The following QTMAN variants were observed in gnomAD, a reference collection of about 807,000 sequenced individuals.
QTMAN encodes queuosine-tRNA mannosyltransferase.
chr2:144,239,346 G>T, the QTMAN span, among the ~76,000 whole-genome samples: 3 of 152,026 alleles, frequency 2.0e-5, no homozygotes, highest in African/African-American at 7.3e-5. Context: ...AAAGCTAAAA[G>T]TTCATTATTA....
the QTMAN span, among the ~76,000 whole-genome samples, chr2:144,251,990 G>A: frequency 0.016 from 2,459 of 152,102 alleles, 32 homozygotes; most frequent in Non-Finnish European, 0.021. Context: ...GAGGGCAGGA[G>A]TTGGAGACCA....
At chr2:144,090,315 C>T in the QTMAN span, among the ~76,000 whole-genome samples, 16 of 152,056 alleles carry the variant, frequency 1.1e-4, no homozygotes, top group East Asian at 5.8e-4. Context: ...AAGGCAAAAA[C>T]GTCTGCTCTT....
chr2:144,189,465 T>C, the QTMAN span, among the ~76,000 whole-genome samples: 4 of 152,204 alleles, frequency 2.6e-5, no homozygotes, highest in African/African-American at 7.2e-5. Context: ...ATTAAAGATA[T>C]TGAGCCACTA....
the QTMAN span, among the ~76,000 whole-genome samples, chr2:144,203,900 A>G: frequency 6.6e-6 from 1 of 152,176 alleles, no homozygotes; most frequent in Non-Finnish European, 1.5e-5. Context: ...TGGGGAAAGG[A>G]TTCCCTATTT....
At chr2:144,284,399 G>A in the QTMAN span, among the ~76,000 whole-genome samples, 1 of 151,826 alleles carries the variant, frequency 6.6e-6, no homozygotes, top group African/African-American at 2.4e-5. Context: ...TGACATGTGA[G>A]AAATTATTAT....
chr2:144,118,021 T>C, the QTMAN span, among the ~76,000 whole-genome samples: 3 of 152,228 alleles, frequency 2.0e-5, no homozygotes, highest in African/African-American at 7.2e-5. Context: ...AATTTTTTTG[T>C]ATTTTTAGTA....
chr2:143,959,887 A>G, the QTMAN span, among the ~76,000 whole-genome samples: 11 of 152,232 alleles, frequency 7.2e-5, no homozygotes, highest in South Asian at 1.9e-3. Context: ...CAGTATACCT[A>G]CTTTGTGCAG....
the QTMAN span, among the ~76,000 whole-genome samples, chr2:144,313,143 G>A: frequency 6.6e-6 from 1 of 152,120 alleles, no homozygotes; most frequent in African/African-American, 2.4e-5. Flanking sequence ...GTCCATTTGG[G>A]GAGAAACAGG....
the QTMAN span, among the ~76,000 whole-genome samples, chr2:144,224,891 C>CT: frequency 6.6e-6 from 1 of 152,048 alleles, no homozygotes; most frequent in African/African-American, 2.4e-5. Flanking sequence ...CTGGATATAA[C>CT]TTTAATACAG....
the QTMAN span, among the ~76,000 whole-genome samples, chr2:144,164,690 T>G: frequency 6.6e-6 from 1 of 152,190 alleles, no homozygotes; most frequent in Admixed American, 6.5e-5. Context: ...ATTCTGTCAG[T>G]CTTTTTTCCA....
chr2:144,088,502 T>G, the QTMAN span, among the ~76,000 whole-genome samples: 3 of 151,924 alleles, frequency 2.0e-5, no homozygotes, highest in Non-Finnish European at 4.4e-5. Flanking sequence ...AAAAAGAGCC[T>G]AAATAGCCAA....
chr2:143,965,355 T>C, the QTMAN span, among the ~76,000 whole-genome samples: 1 of 152,228 alleles, frequency 6.6e-6, no homozygotes, highest in East Asian at 1.9e-4. Context: ...AAAATCTGCA[T>C]AGTAGTTTAG....
the QTMAN span, among the ~76,000 whole-genome samples, chr2:144,019,388 G>A: frequency 1.3e-3 from 201 of 151,712 alleles, 2 homozygotes; most frequent in Non-Finnish European, 2.4e-3. Context: ...ATGGATGAGC[G>A]GTGGTTGAGC....
At chr2:144,108,870 TCTTC>T in the QTMAN span, among the ~76,000 whole-genome samples, 4 of 152,108 alleles carry the variant, frequency 2.6e-5, no homozygotes, top group South Asian at 8.3e-4. Context: ...GTGAAGGACC[TCTTC>T]AAGAAAAACT....
chr2:144,280,975 G>T, the QTMAN span, among the ~76,000 whole-genome samples: 1 of 151,160 alleles, frequency 6.6e-6, no homozygotes, highest in African/African-American at 2.4e-5. Context: ...TGTTACATAC[G>T]TATACATGTG....
At chr2:144,148,313 G>C in the QTMAN span, among the ~76,000 whole-genome samples, 1 of 151,630 alleles carries the variant, frequency 6.6e-6, no homozygotes, top group Non-Finnish European at 1.5e-5. Flanking sequence ...TTTACAGAGA[G>C]AGAAAAATAA....
At chr2:144,005,107 A>C in the QTMAN span, among the ~76,000 whole-genome samples, 1 of 151,992 alleles carries the variant, frequency 6.6e-6, no homozygotes, top group Non-Finnish European at 1.5e-5. Context: ...AATGGCAAAC[A>C]AACAGCTCGG....
At chr2:144,312,139 A>G in the QTMAN span, among the ~76,000 whole-genome samples, 2 of 149,600 alleles carry the variant, frequency 1.3e-5, no homozygotes, top group African/African-American at 2.5e-5. Flanking sequence ...CAAAAAGGTG[A>G]CCCTTCCATC....
chr2:144,103,800 C>T, the QTMAN span, among the ~76,000 whole-genome samples: 1 of 152,094 alleles, frequency 6.6e-6, no homozygotes, highest in East Asian at 1.9e-4. Context: ...ATTAAAACTA[C>T]ATAATAGGGC....
Sources: gnomAD v4.1 joint callset for allele counts (sites outside exome capture counted in the v4.1 genomes callset) on GRCh38, gnomAD v4.1.1 for gene constraint, MANE v1.5 for transcripts, NCBI Gene and HGNC (gene_info 2026-07-23, HGNC 2026-07-21) for gene names.